TOGARAM2: variants seen among roughly 807,000 people sequenced by gnomAD.
TOGARAM2 encodes the protein TOG array regulator of axonemal microtubules protein 2.
TOGARAM2 carries 85 observed loss-of-function variants against 93.3 expected under a neutral mutation model. That is an observed-to-expected ratio of 0.91 (90% CI 0.76 to 1.09). The LOEUF is 1.09. Among genes scored for constraint, TOGARAM2 ranks in the 50% least tolerant of loss-of-function variants. The probability of loss-of-function intolerance (pLI) is 0.00; values close to 1 mark genes in which losing one functional copy is unlikely to be tolerated. For missense variants in TOGARAM2, 1,277 were observed against 1,334.5 expected, an observed-to-expected ratio of 0.96 and a Z score of 0.67; for synonymous variants, 593 against 552.8, an observed-to-expected ratio of 1.07 and a Z score of -1.02.
chr2:29,027,726 C>G (rs1385142139), intron 14 of TOGARAM2, among the ~76,000 whole-genome samples: 1 of 152,076 alleles, frequency 6.6e-6, no homozygotes, highest in Non-Finnish European at 1.5e-5. Context: ...GGGGGGGCTG[C>G]TTTAGACTGA....
chr2:29,032,971 A>T lies in TOGARAM2; in HGVS notation c.2050A>T (p.Asn684Tyr). 1 of 1,613,912 alleles carries T rather than the reference A, an allele frequency of 6.2e-7. No homozygotes were observed. Among genetic ancestry groups the T allele is most frequent in the South Asian group, 1.1e-5 (1 of 91,022 alleles). ...GRKMVNILMA[N>Y]TKFDAFLKQS... ...GAAGATGGTGAATATCTTGATGGCG[A>T]ACACTAAGTTTGATGCATTTCTGAA... The change falls in exon 15 of 20, where the codon AAC becomes TAC. Residue 684 changes from asparagine (N) to tyrosine (Y), a missense_variant. Transcript: ENST00000379558.
chr2:28,993,059 CAAA>C (rs59495138), intron 1 of TOGARAM2, among the ~76,000 whole-genome samples: 27,570 of 133,852 alleles, frequency 0.21, 2,796 homozygotes, highest in Middle Eastern at 0.26. Context: ...GATTCTGTCT[CAAA>C]AAAAAAAAAA....
intron 1 of TOGARAM2, among the ~76,000 whole-genome samples, chr2:28,974,495 C>T (rs1284590876): frequency 2.0e-5 from 3 of 152,112 alleles, no homozygotes; most frequent in Non-Finnish European, 2.9e-5. Context: ...AGTTTCCAGC[C>T]ATTATTTCTT....
chr2:29,012,477 G>A (rs777815770), intron 7 of TOGARAM2, among the ~76,000 whole-genome samples: 68 of 152,272 alleles, frequency 4.5e-4, no homozygotes, highest in Non-Finnish European at 7.3e-4. Context: ...GAAATGCACC[G>A]GCACCCTGAG....
At chr2:29,002,783 G>A in intron 5 of TOGARAM2, 36 bp downstream of exon 5, 1 of 1,583,082 alleles carries the variant, frequency 6.3e-7, no homozygotes, top group South Asian at 1.1e-5. Context: ...CTGGTCCTCA[G>A]CTTCTTGCCC....
chr2:28,976,405 C>G (rs1287047716), upstream of TOGARAM2, among the ~76,000 whole-genome samples: 2 of 152,116 alleles, frequency 1.3e-5, no homozygotes, highest in African/African-American at 4.8e-5. Flanking sequence ...AAAAACCCAT[C>G]AAATTCTTTT....
rs12619829 is a variant in TOGARAM2 at position 29,003,693 on chromosome 2, C to T, written c.830+11C>T. The T allele has an allele frequency of 0.82, 1,218,946 of 1,493,000 alleles. 504,198 individuals are homozygous for T. The highest frequency in any genetic ancestry group is 0.85 in the Non-Finnish European group (956,341 of 1,119,562). The allele number at this position is 1,493,000 out of a possible 1,614,324, so 92.5% of individuals were successfully genotyped here. A position where few individuals can be genotyped will look rare whatever the true frequency, so the allele number is the denominator to read the frequency against. ...GGCCCCACGCACGCGGTAAGAGCTCCAAGTCAAACCTTCCTTGCTGACTTC... is the reference window on the plus strand; with the variant it reads ...GGCCCCACGCACGCGGTAAGAGCTCTAAGTCAAACCTTCCTTGCTGACTTC... On this transcript the variant is annotated intron_variant, in intron 6 of 19. Transcript: ENST00000379558.
intron 1 of TOGARAM2, among the ~76,000 whole-genome samples, chr2:28,968,607 G>A (rs1671898733): frequency 6.6e-6 from 1 of 152,020 alleles, no homozygotes; most frequent in Admixed American, 6.6e-5. Context: ...AGGAGATCGA[G>A]ACCAGCCTGG....
intron 11 of TOGARAM2, 128 bp downstream of exon 11, chr2:29,022,436 G>T: frequency 7.7e-7 from 1 of 1,296,108 alleles, no homozygotes; most frequent in Non-Finnish European, 1.1e-6. Flanking sequence ...ATAAAAGCCA[G>T]TTTGGAGGGA....
rs1667096824 is a variant in TOGARAM2, at chr2:29,051,939, T to C, written c.2906T>C (p.Leu969Pro). The C allele has an allele frequency of 1.2e-6, 2 of 1,606,120 alleles. No homozygotes were observed. Among genetic ancestry groups the C allele is most frequent in the African/African-American group, 1.3e-5 (1 of 74,798 alleles). Residue 969 changes from leucine (L) to proline (P), a missense_variant, in exon 20 of 20, where the codon CTG becomes CCG. Transcript: ENST00000379558. The stretch of plus-strand genomic sequence containing the variant: ...CAGGAGCACATGGGCTCCCGCCTGC[T>C]GGACTTTGCCGCCAGCCAGCCAAAG... ...SLQEHMGSRLLDFAASQPKHV... is the reference protein window; with the variant it reads ...SLQEHMGSRLPDFAASQPKHV...
chr2:29,024,189 A>C lies in TOGARAM2; in HGVS notation c.1668A>C (p.Gly556=). ...KVSHLAISTL[G]DLFQALKKNM... is the part of the protein sequence containing the mutation. ...CTCACCTGGCCATCAGCACCTTGGG[A>C]GACCTCTTCCAGGCCTTGAAGAAGA... Residue 556 remains glycine, a synonymous_variant, in exon 13 of 20, where the codon GGA becomes GGC. Transcript: ENST00000379558. The C allele has an allele frequency of 6.2e-7, 1 of 1,602,678 alleles. No homozygotes were observed. The highest frequency in any genetic ancestry group is 1.3e-5 in the African/African-American group (1 of 74,832).
Position 29,014,425 on chromosome 2 carries a change from A to T in TOGARAM2, c.908A>T (p.Asp303Val). 1 of 1,609,362 alleles carries T rather than the reference A, an allele frequency of 6.2e-7. No individual in the cohort carries two copies. Among genetic ancestry groups the T allele is most frequent in the Non-Finnish European group, 8.5e-7 (1 of 1,178,382 alleles). ...EPKPLASPIR[D>V]RPAAAKKPAL... is the part of the protein sequence containing the mutation. ...AAACCTTTGGCCTCACCCATCAGAG[A>T]CAGGCCTGCCGCTGCCAAGAAGCCT... Residue 303 changes from aspartate (D) to valine (V), a missense_variant, in exon 8 of 20, where the codon GAC becomes GTC. Coordinates refer to ENST00000379558, the MANE Select transcript of TOGARAM2 (RefSeq NM_199280.4).
At chr2:28,979,515 C>T (rs992562699), upstream of TOGARAM2, among the ~76,000 whole-genome samples, 1 of 152,212 alleles carries the variant, frequency 6.6e-6, no homozygotes, top group Non-Finnish European at 1.5e-5. Context: ...TGTTATCCAT[C>T]CTCCCTTATT....
intron 2 of TOGARAM2, among the ~76,000 whole-genome samples, chr2:28,997,516 T>C (rs1381321377): frequency 6.6e-6 from 1 of 152,212 alleles, no homozygotes; most frequent in Non-Finnish European, 1.5e-5. Context: ...TGCCCACTAC[T>C]GTCTCACTGC....
chr2:29,015,309 T>A (rs1291841462), intron 8 of TOGARAM2, among the ~76,000 whole-genome samples: 1 of 152,072 alleles, frequency 6.6e-6, no homozygotes, highest in Non-Finnish European at 1.5e-5. Flanking sequence ...CTGCGCTCCC[T>A]CCTGTGGCCA....
intron 7 of TOGARAM2, among the ~76,000 whole-genome samples, chr2:29,013,738 G>A (rs764961399): frequency 6.6e-6 from 1 of 152,180 alleles, no homozygotes; most frequent in Non-Finnish European, 1.5e-5. Context: ...TGATTGGATG[G>A]TGCCCACCCA....
At chr2:28,997,234 A>T (rs1378531802) in intron 2 of TOGARAM2, among the ~76,000 whole-genome samples, 1 of 152,234 alleles carries the variant, frequency 6.6e-6, no homozygotes, top group Non-Finnish European at 1.5e-5. Context: ...ATATATAAGG[A>T]ACTCAAACAA....
chr2:28,972,858 A>G (rs190640434), intron 1 of TOGARAM2, among the ~76,000 whole-genome samples: 4 of 152,148 alleles, frequency 2.6e-5, no homozygotes, highest in African/African-American at 9.7e-5. Flanking sequence ...AACATCCTGG[A>G]AAGTTGCTGT....
chr2:29,011,606 T>G, intron 7 of TOGARAM2, 105 bp downstream of exon 7: 1 of 1,139,252 alleles, frequency 8.8e-7, no homozygotes, highest in African/African-American at 1.6e-5. Flanking sequence ...AGAGCTCTTG[T>G]GTCTGGGCCC....
Sources: gnomAD v4.1 joint callset for allele counts (sites outside exome capture counted in the v4.1 genomes callset) on GRCh38, gnomAD v4.1.1 for gene constraint, MANE v1.5 for transcripts, NCBI Gene and HGNC (gene_info 2026-07-23, HGNC 2026-07-21) for gene names.